TMEM132D: variants seen among roughly 807,000 people sequenced by gnomAD.
TMEM132D encodes the protein mature OL transmembrane protein.
TMEM132D carries 21 observed loss-of-function variants against 62.3 expected under a neutral mutation model. That is an observed-to-expected ratio of 0.34 (90% CI 0.24 to 0.49). TMEM132D has a LOEUF of 0.49. TMEM132D is among the 20% of genes least tolerant of loss of function. The pLI is 0.99. For missense variants in TMEM132D, 1,346 were observed against 1,402.8 expected (o/e 0.96, Z 0.65); for synonymous variants, 621 against 575.6 (o/e 1.08, Z -1.13).
At chr12:129,472,195 C>T (rs1224687810) in intron 3 of TMEM132D, among the ~76,000 whole-genome samples, 2 of 152,128 alleles carry the variant, frequency 1.3e-5, no homozygotes, top group African/African-American at 2.4e-5. Context: ...GAAGTCAATA[C>T]CTGGCTTCAA....
chr12:129,560,942 A>C (rs765501439), intron 2 of TMEM132D, among the ~76,000 whole-genome samples: 2 of 152,208 alleles, frequency 1.3e-5, no homozygotes, highest in African/African-American at 4.8e-5. Context: ...CTAGCTTCAC[A>C]GTGATGGAGA....
chr12:129,112,384 G>A (rs545706292), intron 5 of TMEM132D, among the ~76,000 whole-genome samples: 6 of 152,296 alleles, frequency 3.9e-5, no homozygotes, highest in African/African-American at 1.2e-4. Context: ...TTAAGTGGCC[G>A]GGCACGGTGG....
intron 2 of TMEM132D, among the ~76,000 whole-genome samples, chr12:129,688,951 C>T (rs1228842045): frequency 2.0e-5 from 3 of 152,130 alleles, no homozygotes; most frequent in African/African-American, 4.8e-5. Flanking sequence ...GAGGTTATTG[C>T]GTCCCTTGGG....
intron 2 of TMEM132D, among the ~76,000 whole-genome samples, chr12:129,618,187 C>T (rs961584888): frequency 2.0e-5 from 3 of 152,168 alleles, no homozygotes; most frequent in Admixed American, 2.0e-4. Context: ...GGGTCCTATT[C>T]CAGTAAGTTT....
chr12:129,546,589 C>G (rs544700841), intron 2 of TMEM132D, among the ~76,000 whole-genome samples: 1 of 152,154 alleles, frequency 6.6e-6, no homozygotes, highest in Non-Finnish European at 1.5e-5. Context: ...ATCACAAGGT[C>G]AGGAGTTCGA....
intron 5 of TMEM132D, among the ~76,000 whole-genome samples, chr12:129,203,419 C>T (rs1019147734): frequency 6.6e-6 from 1 of 152,246 alleles, no homozygotes; most frequent in Non-Finnish European, 1.5e-5. Flanking sequence ...GAGGGCAATG[C>T]TTGCTAGAGC....
intron 4 of TMEM132D, among the ~76,000 whole-genome samples, chr12:129,295,702 C>A (rs565563331): frequency 1.3e-5 from 2 of 151,972 alleles, no homozygotes; most frequent in African/African-American, 4.8e-5. Flanking sequence ...TTCCAGGACA[C>A]CATGAATAGC....
intron 1 of TMEM132D, among the ~76,000 whole-genome samples, chr12:129,708,423 A>C (rs1304137705): frequency 6.6e-6 from 1 of 152,024 alleles, no homozygotes; most frequent in African/African-American, 2.4e-5. Flanking sequence ...ACCCTCTGTG[A>C]GGGATTCTCA....
chr12:129,670,677 C>G (rs77482128), intron 2 of TMEM132D, among the ~76,000 whole-genome samples: 2,241 of 152,308 alleles, frequency 0.015, 46 homozygotes, highest in African/African-American at 0.05. Flanking sequence ...ACAGCAGGCT[C>G]TGTGTGAATT....
intron 1 of TMEM132D, among the ~76,000 whole-genome samples, chr12:129,801,859 G>C (rs911220819): frequency 9.9e-5 from 15 of 150,962 alleles, no homozygotes; most frequent in Non-Finnish European, 1.9e-4. Context: ...TGATGGAGCT[G>C]AAAACCAAGG....
At chr12:129,660,191 A>G (rs10773692) in intron 2 of TMEM132D, among the ~76,000 whole-genome samples, 115,347 of 152,070 alleles carry the variant, frequency 0.76, 44,163 homozygotes, top group East Asian at 0.85. Flanking sequence ...AATTACTGTT[A>G]GTGATATGAT....
intron 5 of TMEM132D, 63 bp from the exon 6 acceptor site, chr12:129,084,765 A>G (rs1395969589): frequency 6.5e-7 from 1 of 1,529,678 alleles, no homozygotes; most frequent in Admixed American, 1.8e-5. Flanking sequence ...TGCATGGCCC[A>G]AGGAGGAGGA....
chr12:129,663,657 G>A (rs772080394), intron 2 of TMEM132D, among the ~76,000 whole-genome samples: 30 of 152,212 alleles, frequency 2.0e-4, no homozygotes, highest in Admixed American at 6.5e-4. Context: ...GTTGGGAACT[G>A]TTGGAAGCAG....
intron 2 of TMEM132D, among the ~76,000 whole-genome samples, chr12:129,537,453 G>A (rs998507521): frequency 5.3e-5 from 8 of 152,104 alleles, no homozygotes; most frequent in Admixed American, 4.6e-4. Flanking sequence ...ACACAGCAGC[G>A]GCAGCCATGT....
intron 2 of TMEM132D, among the ~76,000 whole-genome samples, chr12:129,543,020 A>G (rs539741565): frequency 1.3e-5 from 2 of 152,024 alleles, no homozygotes; most frequent in Admixed American, 6.6e-5. Context: ...CAAAATGACA[A>G]TATCACCTAA....
intron 1 of TMEM132D, among the ~76,000 whole-genome samples, chr12:129,847,272 C>A (rs1398732993): frequency 6.6e-6 from 1 of 152,160 alleles, no homozygotes; most frequent in Non-Finnish European, 1.5e-5. Context: ...TCTAGGTCAA[C>A]GTTATTATGA....
At chr12:129,173,491 A>C (rs139090705) in intron 5 of TMEM132D, among the ~76,000 whole-genome samples, 1,788 of 152,280 alleles carry the variant, frequency 0.012, 36 homozygotes, top group African/African-American at 0.041. Context: ...GCTTTTTCTC[A>C]CCAAAGATTT....
At chr12:129,578,397 G>A (rs893497697) in intron 2 of TMEM132D, among the ~76,000 whole-genome samples, 2 of 86,406 alleles carry the variant, frequency 2.3e-5, no homozygotes, top group Admixed American at 1.3e-4. Flanking sequence ...AGAACGCTGA[G>A]TAATACAATT....
rs2135600259 is a variant in TMEM132D at position 129,072,569 on chromosome 12, T to C, written c.*1306A>G. The C allele has an allele frequency of 6.6e-6, 1 of 152,520 alleles. No homozygotes were observed. Among genetic ancestry groups the C allele is most frequent in the East Asian group, 1.9e-4 (1 of 5,184 alleles). The allele number at this position is 152,520 out of a possible 1,614,324, so 9.4% of individuals were successfully genotyped here. On this transcript the variant is annotated 3_prime_UTR_variant, in exon 9 of 9. Transcript: ENST00000422113. The stretch of plus-strand genomic sequence containing the variant: ...AAACCTGCATCTTCACCACATGCAC[T>C]GATGCCCCTTATCCCTTCGCACCTC...
Sources: gnomAD v4.1 joint callset for allele counts (sites outside exome capture counted in the v4.1 genomes callset) on GRCh38, gnomAD v4.1.1 for gene constraint, MANE v1.5 for transcripts, NCBI Gene and HGNC (gene_info 2026-07-23, HGNC 2026-07-21) for gene names.